Variants in PTPN11 observed in about 807,000 individuals in gnomAD.
PTPN11 encodes tyrosine-protein phosphatase non-receptor type 11.
A neutral mutation model predicts 78.8 loss-of-function variants in PTPN11; 6 were observed. The ratio of observed to expected loss-of-function variants is 0.08; its 90% confidence interval spans 0.04 to 0.15. PTPN11 has a LOEUF of 0.15. Ranked by LOEUF, PTPN11 falls within the 10% of genes least tolerant of loss-of-function variation. The pLI, the probability that PTPN11 is intolerant of heterozygous loss-of-function variation, is 1.00. For synonymous variants in PTPN11, 221 were observed against 263.5 expected (o/e 0.84, Z 1.56); for missense variants, 386 against 744.8 (o/e 0.52, Z 5.61).
intron 6 of PTPN11, among the ~76,000 whole-genome samples, chr12:112,456,564 A>G (rs1259249577): frequency 4.0e-5 from 6 of 150,046 alleles, no homozygotes; most frequent in Non-Finnish European, 8.8e-5. Flanking sequence ...GGCTCAAGTG[A>G]TCTTCCCATC....
At chr12:112,454,722 A>G (rs1381947798) in intron 5 of PTPN11, 42 bp downstream of exon 5, 2 of 1,457,992 alleles carry the variant, frequency 1.4e-6, no homozygotes, top group African/African-American at 1.4e-5. Context: ...TTAAAAACTT[A>G]AAACAAATCC....
chr12:112,482,254 G>A lies in PTPN11; in HGVS notation c.1224+49G>A. 1 of 1,592,248 alleles carries A rather than the reference G, an allele frequency of 6.3e-7. No individual in the cohort carries two copies. Among genetic ancestry groups the A allele is most frequent in the Non-Finnish European group, 8.6e-7 (1 of 1,162,114 alleles). ...AGACTTTGGGAACTGTTGATGGTGT[G>A]TAGGAATTCAGGGTCTTGCCGTTAC... On this transcript the variant is annotated intron_variant, in intron 10 of 15. Coordinates refer to ENST00000351677, the MANE Select transcript of PTPN11 (RefSeq NM_002834.5). The surrounding 1 kb of genome is among the most constrained non-coding windows in gnomAD (Gnocchi z 4.4).
At chr12:112,428,559 A>C (rs1329493416) in intron 1 of PTPN11, among the ~76,000 whole-genome samples, 2 of 151,892 alleles carry the variant, frequency 1.3e-5, no homozygotes, top group Non-Finnish European at 2.9e-5. Flanking sequence ...TGCTAGTGAT[A>C]AGCAAGTTGC....
intron 6 of PTPN11, among the ~76,000 whole-genome samples, chr12:112,468,024 C>G (rs550840193): frequency 6.6e-6 from 1 of 152,200 alleles, no homozygotes; most frequent in African/African-American, 2.4e-5. Context: ...TAGACTCCTG[C>G]AGTCAGGTGT....
chr12:112,465,502 G>C (rs2038313164), intron 6 of PTPN11, among the ~76,000 whole-genome samples: 1 of 152,090 alleles, frequency 6.6e-6, no homozygotes, highest in Non-Finnish European at 1.5e-5. Context: ...CTGCCAGGGG[G>C]TACTGTGGGC....
At chr12:112,448,432 A>G (rs1197731736) in intron 2 of PTPN11, among the ~76,000 whole-genome samples, 1 of 150,978 alleles carries the variant, frequency 6.6e-6, no homozygotes, top group East Asian at 2.0e-4. Flanking sequence ...GTCCAGGCTA[A>G]TCTCCAACTC....
intron 2 of PTPN11, among the ~76,000 whole-genome samples, chr12:112,447,163 T>G (rs911022132): frequency 6.6e-6 from 1 of 151,888 alleles, no homozygotes; most frequent in African/African-American, 2.4e-5. Flanking sequence ...GCCACCACAC[T>G]CAGACTTTGT....
chr12:112,434,796 G>GT (rs962424606), intron 1 of PTPN11, among the ~76,000 whole-genome samples: 16 of 151,534 alleles, frequency 1.1e-4, no homozygotes, highest in Admixed American at 4.0e-4. Context: ...GGGTTTGTTT[G>GT]TTTTTTTTGA....
chr12:112,450,605 C>A, intron 3 of PTPN11, 93 bp downstream of exon 3: 2 of 1,232,934 alleles, frequency 1.6e-6, no homozygotes, highest in Non-Finnish European at 2.4e-6. Flanking sequence ...TCTCTGACTC[C>A]AAAGGCTTGT....
In PTPN11 at chr12:112,454,527, G is replaced by A. The variant is rs749339723; in HGVS notation, c.526-37G>A. 8 of 1,458,756 alleles carry A rather than the reference G, an allele frequency of 5.5e-6. No homozygotes were observed. The African/African-American group carries it at 7.0e-5, about 13-fold the overall frequency. The allele number at this position is 1,458,756 out of a possible 1,614,324, so 90.4% of individuals were successfully genotyped here. On this transcript the variant is annotated intron_variant, in intron 4 of 15. Coordinates refer to ENST00000351677, the MANE Select transcript of PTPN11 (RefSeq NM_002834.5). The stretch of plus-strand genomic sequence containing the variant: ...TTGAAAACACTAATGTAACATAAAG[G>A]TAACAAATAATAAATGTCATGTGTT...
intron 6 of PTPN11, chr12:112,457,570 C>G (rs992026040): frequency 2.0e-5 from 3 of 153,096 alleles, no homozygotes; most frequent in African/African-American, 4.8e-5. Flanking sequence ...ATTTCTGGTT[C>G]TAGATCCTTG....
intron 13 of PTPN11, among the ~76,000 whole-genome samples, chr12:112,498,811 C>T (rs1469689964): frequency 6.6e-6 from 1 of 152,224 alleles, no homozygotes; most frequent in African/African-American, 2.4e-5. Context: ...ACAGCCTGGG[C>T]TGTCACAGTA....
chr12:112,506,839 C>T lies in PTPN11; in HGVS notation c.*1047C>T, dbSNP rs1281150224. The T allele has an allele frequency of 6.2e-6, 1 of 160,002 alleles. No individual in the cohort carries two copies. Among genetic ancestry groups the T allele is most frequent in the African/African-American group, 2.4e-5 (1 of 41,596 alleles). 9.9% of individuals were successfully genotyped at this position (160,002 alleles called of 1,614,324 possible). ...TGGCCTGGCTGGCAGGGTAGCTAGA[C>T]CTCTCACATGCAGCTCAGAGCTCCC... On this transcript the variant is annotated 3_prime_UTR_variant, in exon 16 of 16. Transcript: ENST00000351677.
At chr12:112,429,435 G>A (rs2037675272) in intron 1 of PTPN11, among the ~76,000 whole-genome samples, 1 of 150,936 alleles carries the variant, frequency 6.6e-6, no homozygotes, top group African/African-American at 2.4e-5. Context: ...GATCTGGATG[G>A]ATGTAGGTGG....
chr12:112,490,582 A>G (rs1490059000), intron 13 of PTPN11, among the ~76,000 whole-genome samples: 1 of 152,030 alleles, frequency 6.6e-6, no homozygotes, highest in Non-Finnish European at 1.5e-5. Context: ...AGTTAGGACT[A>G]CAAATTTGTG....
chr12:112,506,846 C>T lies in PTPN11; in HGVS notation c.*1054C>T, dbSNP rs1218049581. The T allele has an allele frequency of 6.1e-6, 1 of 162,790 alleles. No homozygotes were observed. The highest frequency in any genetic ancestry group is 2.4e-5 in the African/African-American group (1 of 41,648). The allele number at this position is 162,790 out of a possible 1,614,324, so 10.1% of individuals were successfully genotyped here. ...GCTGGCAGGGTAGCTAGACCTCTCA[C>T]ATGCAGCTCAGAGCTCCCAAGAGCT... On this transcript the variant is annotated 3_prime_UTR_variant, in exon 16 of 16. Coordinates refer to ENST00000351677, the MANE Select transcript of PTPN11 (RefSeq NM_002834.5).
intron 13 of PTPN11, 36 bp downstream of exon 13, chr12:112,489,211 C>G (rs1400286099): frequency 3.1e-6 from 5 of 1,612,582 alleles, no homozygotes; most frequent in Non-Finnish European, 8.5e-7. Context: ...GATTCTCATT[C>G]TCTTGCTAGG....
chr12:112,448,175 C>G (rs559823930), intron 2 of PTPN11, among the ~76,000 whole-genome samples: 1 of 151,552 alleles, frequency 6.6e-6, no homozygotes, highest in East Asian at 2.0e-4. Flanking sequence ...CTATTAATTT[C>G]TTGTTTACCC....
chr12:112,492,370 A>T (rs2038756708), intron 13 of PTPN11, among the ~76,000 whole-genome samples: 1 of 152,094 alleles, frequency 6.6e-6, no homozygotes, highest in South Asian at 2.1e-4. Flanking sequence ...TGTAGCAAAA[A>T]GTAGTATTTT....
Sources: gnomAD v4.1 joint callset for allele counts (sites outside exome capture counted in the v4.1 genomes callset) on GRCh38, gnomAD v4.1.1 for gene constraint, Gnocchi (gnomAD v3.1) non-coding constraint, MANE v1.5 for transcripts, NCBI Gene and HGNC (gene_info 2026-07-23, HGNC 2026-07-21) for gene names.